PHLDB2: variants seen among roughly 807,000 people sequenced by gnomAD.
PHLDB2 encodes pleckstrin homology-like domain family B member 2.
PHLDB2 carries 71 observed loss-of-function variants against 123.6 expected under a neutral mutation model. The observed-to-expected ratio is 0.57, with a 90% CI of 0.47 to 0.70. The LOEUF is 0.70. Among genes scored for constraint, PHLDB2 ranks in the 30% least tolerant of loss-of-function variants. PHLDB2 has a pLI of 0.00. For synonymous variants in PHLDB2, 547 were observed against 541.6 expected, an observed-to-expected ratio of 1.01 and a Z score of -0.14; for missense variants, 1,446 against 1,519.5, an observed-to-expected ratio of 0.95 and a Z score of 0.80.
intron 1 of PHLDB2, among the ~76,000 whole-genome samples, chr3:111,766,125 T>C (rs2060076240): frequency 6.6e-6 from 1 of 152,192 alleles, no homozygotes; most frequent in African/African-American, 2.4e-5. Context: ...TTTAAATACC[T>C]TTTTTCAAGA....
chr3:111,825,877 A>C (rs2062631030), intron 1 of PHLDB2, among the ~76,000 whole-genome samples: 1 of 152,222 alleles, frequency 6.6e-6, no homozygotes, highest in African/African-American at 2.4e-5. Flanking sequence ...ATAAGGTTGA[A>C]ATAAAATCAA....
intron 2 of PHLDB2, among the ~76,000 whole-genome samples, chr3:111,848,082 C>T (rs1316139767): frequency 6.6e-6 from 1 of 152,070 alleles, no homozygotes; most frequent in African/African-American, 2.4e-5. Context: ...AGGCAGTATG[C>T]GACCCTCACC....
chr3:111,939,576 T>C lies in PHLDB2; in HGVS notation c.2232T>C (p.Thr744=). 6.2e-7 allele frequency: 1 copy of C among 1,613,936 alleles called. No homozygotes were observed. Among genetic ancestry groups the C allele is most frequent in the Non-Finnish European group, 8.5e-7 (1 of 1,179,912 alleles). ...TAGATGAAGAAAAGGAGAACTTGAC[T>C]CAACAGCTCCTGCGTGAAGTTGCTG... The part of the protein sequence containing the change: ...SRLDEEKENL[T]QQLLREVAEY... Residue 744 remains threonine, a synonymous_variant, in exon 7 of 18, where the codon ACT becomes ACC. Transcript: ENST00000431670.
At chr3:111,948,578 A>C (rs911188189) in intron 9 of PHLDB2, among the ~76,000 whole-genome samples, 2 of 152,172 alleles carry the variant, frequency 1.3e-5, no homozygotes, top group African/African-American at 4.8e-5. Context: ...GTACTATTAC[A>C]TCTTGGTGTG....
intron 1 of PHLDB2, among the ~76,000 whole-genome samples, chr3:111,777,356 TTTTC>T (rs2060284708): frequency 6.6e-6 from 1 of 152,130 alleles, no homozygotes; most frequent in Non-Finnish European, 1.5e-5. Flanking sequence ...CTTTCTCCTA[TTTTC>T]TTTCTTTTTT....
chr3:111,860,582 A>T (rs549320974), intron 1 of PHLDB2, among the ~76,000 whole-genome samples: 2 of 152,358 alleles, frequency 1.3e-5, no homozygotes, highest in South Asian at 4.1e-4. Flanking sequence ...AAAGGCTGAC[A>T]GGCTGTCCCT....
Position 111,913,299 on chromosome 3 carries a change from C to T in PHLDB2, c.1336-20C>T, listed in dbSNP as rs2067995993. On this transcript the variant is annotated intron_variant, in intron 2 of 17. Transcript: ENST00000431670. ...CATTCTCACAAACCCACTGACCTCC[C>T]CCTCCTCCCTGTGTTCCAGGAGAGA... 6.4e-7 allele frequency: 1 copy of T among 1,552,836 alleles called. No homozygotes were observed. The highest frequency in any genetic ancestry group is 8.7e-7 in the Non-Finnish European group (1 of 1,150,920).
intron 2 of PHLDB2, among the ~76,000 whole-genome samples, chr3:111,888,508 T>C (rs1281024976): frequency 6.6e-6 from 1 of 152,160 alleles, no homozygotes; most frequent in African/African-American, 2.4e-5. Flanking sequence ...GATTATTTTA[T>C]GATGAGCAAG....
intron 1 of PHLDB2, among the ~76,000 whole-genome samples, chr3:111,793,900 G>A (rs78662185): frequency 0.05 from 7,625 of 151,190 alleles, 262 homozygotes; most frequent in Admixed American, 0.071. Context: ...TCAAGATAAA[G>A]TCCTCTTTAG....
chr3:111,948,004 G>A (rs934769835), intron 9 of PHLDB2, among the ~76,000 whole-genome samples: 3 of 152,194 alleles, frequency 2.0e-5, no homozygotes, highest in Non-Finnish European at 2.9e-5. Context: ...TTGGGGTGGT[G>A]AAAATCATGA....
chr3:111,855,254 C>CAAACAAGA (rs2108621859), upstream of PHLDB2, among the ~76,000 whole-genome samples: 1 of 152,204 alleles, frequency 6.6e-6, no homozygotes, highest in South Asian at 2.1e-4. Context: ...CCTGGAGAGG[C>CAAACAAGA]AAACAAGAAA....
chr3:111,758,268 T>C (rs948367857), intron 1 of PHLDB2, among the ~76,000 whole-genome samples: 1 of 152,196 alleles, frequency 6.6e-6, no homozygotes. Flanking sequence ...CAGTTCGAGC[T>C]TCCCGCCTGC....
At chr3:111,808,395 C>A (rs2061687411) in intron 1 of PHLDB2, among the ~76,000 whole-genome samples, 1 of 151,974 alleles carries the variant, frequency 6.6e-6, no homozygotes, top group Non-Finnish European at 1.5e-5. Flanking sequence ...GCTATGTCTG[C>A]TCGGAAAAAG....
intron 1 of PHLDB2, among the ~76,000 whole-genome samples, chr3:111,743,937 T>C (rs2059643606): frequency 6.6e-6 from 1 of 152,220 alleles, no homozygotes. Context: ...AGAATATCTA[T>C]AAAAGTTAAT....
At chr3:111,839,940 CTT>C (rs3082317) in intron 1 of PHLDB2, among the ~76,000 whole-genome samples, 516 of 64,844 alleles carry the variant, frequency 8.0e-3, no homozygotes, top group South Asian at 0.025. Context: ...CCCACCCCCG[CTT>C]TTTTTTTTTT....
intron 1 of PHLDB2, among the ~76,000 whole-genome samples, chr3:111,836,623 C>T (rs75709605): frequency 2.5e-3 from 374 of 152,186 alleles, no homozygotes; most frequent in African/African-American, 8.5e-3. Flanking sequence ...AAAGAACCAC[C>T]GGAGTCTGGG....
chr3:111,821,118 C>T (rs2062356383), intron 1 of PHLDB2, among the ~76,000 whole-genome samples: 1 of 152,090 alleles, frequency 6.6e-6, no homozygotes, highest in Non-Finnish European at 1.5e-5. Flanking sequence ...TTCTGAGTAT[C>T]CAGTGTAAGT....
intron 5 of PHLDB2, among the ~76,000 whole-genome samples, chr3:111,929,109 A>T (rs1326671524): frequency 6.6e-6 from 1 of 152,148 alleles, no homozygotes; most frequent in East Asian, 1.9e-4. Flanking sequence ...CAGATAAAAA[A>T]TAAAAAATTA....
intron 1 of PHLDB2, among the ~76,000 whole-genome samples, chr3:111,749,372 G>A (rs1205598994): frequency 6.6e-6 from 1 of 151,996 alleles, no homozygotes; most frequent in Non-Finnish European, 1.5e-5. Context: ...GCATGTGAAA[G>A]ATGATGTAAG....
Sources: gnomAD v4.1 joint callset for allele counts (sites outside exome capture counted in the v4.1 genomes callset) on GRCh38, gnomAD v4.1.1 for gene constraint, MANE v1.5 for transcripts, NCBI Gene and HGNC (gene_info 2026-07-23, HGNC 2026-07-21) for gene names.